NBEAL1: variants seen among roughly 807,000 people sequenced by gnomAD.
NBEAL1 encodes neurobeachin-like protein 1.
A neutral mutation model predicts 351.3 loss-of-function variants in NBEAL1; 273 were observed. That is an observed-to-expected ratio of 0.78 (90% CI 0.70 to 0.86). The LOEUF (loss-of-function observed/expected upper bound fraction) is 0.86, where lower values mean the gene tolerates loss of function less well. Ranked by LOEUF, NBEAL1 falls within the 40% of genes least tolerant of loss-of-function variation. NBEAL1 has a pLI of 0.00. For missense variants in NBEAL1, 2,961 were observed against 3,201.3 expected, an observed-to-expected ratio of 0.92 and a Z score of 1.81; for synonymous variants, 1,050 against 1,086.4, an observed-to-expected ratio of 0.97 and a Z score of 0.66.
Position 203,197,344 on chromosome 2 carries a change from A to C in NBEAL1, c.7081A>C (p.Lys2361Gln). Residue 2361 changes from lysine to glutamine, a missense_variant, in exon 48 of 56, where the codon AAA becomes CAA. By Grantham distance (53) the Lys-to-Gln change is moderately conservative. Transcript: ENST00000683969. ...TCCACTATTAAAGGCCACCATCCCC[A>C]AAAATCAGTATCGTTCTTTTATGTC... ...GIPLLKATIP[K>Q]NQYRSFMSQG... The C allele has an allele frequency of 1.9e-6, 3 of 1,605,260 alleles. No individual in the cohort carries two copies. The highest frequency in any genetic ancestry group is 2.6e-6 in the Non-Finnish European group (3 of 1,172,044).
At chr2:203,029,281 C>A (rs1306567622) in intron 2 of NBEAL1, among the ~76,000 whole-genome samples, 1 of 152,168 alleles carries the variant, frequency 6.6e-6, no homozygotes, top group African/African-American at 2.4e-5. Flanking sequence ...TGAGCCCCCA[C>A]ACCCAGCCTG....
At chr2:203,149,319 G>A (rs1226517832) in intron 34 of NBEAL1, among the ~76,000 whole-genome samples, 171 bp downstream of exon 34, 3 of 151,982 alleles carry the variant, frequency 2.0e-5, no homozygotes, top group Non-Finnish European at 2.9e-5. Flanking sequence ...GATGATTCGA[G>A]GTTGTATTGT....
intron 24 of NBEAL1, among the ~76,000 whole-genome samples, chr2:203,128,520 TG>T (rs2062998615): frequency 6.6e-6 from 1 of 152,100 alleles, no homozygotes; most frequent in Non-Finnish European, 1.5e-5. Flanking sequence ...TTGGCAATTC[TG>T]AAGCCTGTTT....
intron 2 of NBEAL1, chr2:203,040,377 T>G: frequency 1.4e-6 from 1 of 715,660 alleles, no homozygotes; most frequent in South Asian, 1.5e-5. Context: ...TGGCCTTTGT[T>G]GTACACATCA....
rs1230515984 is a variant in NBEAL1 at position 203,221,353 on chromosome 2, C to G, written c.*3999C>G. Among the ~76,000 whole-genome samples the G allele has an allele frequency of 6.6e-6, 1 of 150,832 alleles. No homozygotes were observed. The highest frequency in any genetic ancestry group is 1.9e-4 in the East Asian group (1 of 5,186). ...CACTGAAAAGATGCAAGTCCTAGGA[C>G]TATATTAAATATAAATATTATATTA... On this transcript the variant is annotated 3_prime_UTR_variant, in exon 56 of 56. Coordinates refer to ENST00000683969, the MANE Select transcript of NBEAL1 (RefSeq NM_001378026.1).
intron 51 of NBEAL1, among the ~76,000 whole-genome samples, chr2:203,205,986 A>G (rs2065542739): frequency 6.6e-6 from 1 of 152,256 alleles, no homozygotes; most frequent in South Asian, 2.1e-4. Context: ...ACAAATACAA[A>G]TAGCAACTAT....
rs766047739 is a variant in NBEAL1 at position 203,082,691 on chromosome 2, G to A, written c.685-528G>A. Among the ~76,000 whole-genome samples, 12 of 152,270 alleles carry A rather than the reference G, an allele frequency of 7.9e-5. No homozygotes were observed. In the Middle Eastern group the frequency reaches 0.01, roughly 129 times the overall value. ...CCTTAGAGAGACTTAATCGATTTGA[G>A]GTTGTTTTTTATGTTTCATTTTGCC... On this transcript the variant is annotated intron_variant, in intron 8 of 55. Coordinates refer to ENST00000683969, the MANE Select transcript of NBEAL1 (RefSeq NM_001378026.1).
intron 24 of NBEAL1, 64 bp downstream of exon 24, chr2:203,128,001 A>T (rs1248027907): frequency 8.1e-7 from 1 of 1,234,842 alleles, no homozygotes; most frequent in Non-Finnish European, 1.1e-6. Context: ...TCATCTTCTG[A>T]ACGTATGTTT....
chr2:203,043,722 C>G (rs1320623014), intron 3 of NBEAL1, among the ~76,000 whole-genome samples: 2 of 146,756 alleles, frequency 1.4e-5, no homozygotes, highest in Non-Finnish European at 3.0e-5. Flanking sequence ...GAGTAAAACC[C>G]TGTCTCAAAA....
At chr2:203,141,366 A>ATTTTTATTTTTTT (rs2063370884) in intron 31 of NBEAL1, among the ~76,000 whole-genome samples, 1 of 9,098 alleles carries the variant, frequency 1.1e-4, no homozygotes, top group Non-Finnish European at 2.6e-4. Context: ...TATTATTATT[A>ATTTTTATTTTTTT]TTTTTTTTTT....
chr2:203,028,823 A>G (rs1441444651), intron 2 of NBEAL1, among the ~76,000 whole-genome samples: 2 of 152,010 alleles, frequency 1.3e-5, no homozygotes, highest in South Asian at 2.1e-4. Context: ...AAAAATTTAT[A>G]AATTGTATTT....
chr2:203,150,233 A>AT (rs1375053480), intron 34 of NBEAL1, among the ~76,000 whole-genome samples: 1 of 151,942 alleles, frequency 6.6e-6, no homozygotes, highest in African/African-American at 2.4e-5. Context: ...TTATTTCCTG[A>AT]TTTTTTATTA....
At chr2:203,204,997 T>C (rs1192841772) in intron 51 of NBEAL1, among the ~76,000 whole-genome samples, 2 of 152,150 alleles carry the variant, frequency 1.3e-5, no homozygotes, top group African/African-American at 4.8e-5. Flanking sequence ...ATACTAATTA[T>C]TTCATTTTCT....
At chr2:203,184,850 C>G (rs1300107760) in intron 44 of NBEAL1, among the ~76,000 whole-genome samples, 1 of 150,422 alleles carries the variant, frequency 6.6e-6, no homozygotes, top group East Asian at 2.0e-4. Flanking sequence ...TCACTTGAGC[C>G]CAGGAGTTTG....
At chr2:203,119,169 A>ATT (rs893486620) in intron 18 of NBEAL1, among the ~76,000 whole-genome samples, 1 of 141,758 alleles carries the variant, frequency 7.1e-6, no homozygotes. Flanking sequence ...GTTGGATTCT[A>ATT]TTTTTTTTTT....
At chr2:203,143,102 GA>G (rs1261409633) in intron 31 of NBEAL1, among the ~76,000 whole-genome samples, 1 of 152,114 alleles carries the variant, frequency 6.6e-6, no homozygotes, top group Non-Finnish European at 1.5e-5. Context: ...ATTTATTTGG[GA>G]AGTAATATAG....
chr2:203,046,055 CTA>C (rs2061219813), intron 3 of NBEAL1, among the ~76,000 whole-genome samples: 1 of 152,128 alleles, frequency 6.6e-6, no homozygotes, highest in Non-Finnish European at 1.5e-5. Context: ...TGGCTCAAGC[CTA>C]TAATCCCAGC....
Position 203,146,049 on chromosome 2 carries a change from GAA to G in NBEAL1, c.5304+891_5304+892del, listed in dbSNP as rs2063505069. On this transcript the variant is annotated intron_variant, in intron 33 of 55. Coordinates refer to ENST00000683969, the MANE Select transcript of NBEAL1 (RefSeq NM_001378026.1). ...GTGAAAAATTATTTATACCAGGAAA[GAA>G]AGAGGCAGTATCACCACTGACTCCC... 2.7e-5 allele frequency among the ~76,000 whole-genome samples: 4 copies of G among 148,416 alleles called. No homozygotes were observed. In the South Asian group the frequency reaches 8.4e-4, roughly 31 times the overall value.
At position 203,136,089 on chromosome 2, in the gene NBEAL1, C is replaced by G; in HGVS notation, c.4226C>G (p.Ser1409Ter). The change falls in exon 28 of 56, where the codon TCA becomes TGA. Residue 1409 changes from serine (S) to a stop codon, truncating the protein, a stop_gained. Coordinates refer to ENST00000683969, the MANE Select transcript of NBEAL1 (RefSeq NM_001378026.1). LOFTEE classifies it high-confidence loss of function. The stretch of plus-strand genomic sequence containing the variant: ...AGTTTAGACCTCAGTGGAATTGACT[C>G]ATGTGAAATGAGTGATAGTGGAAGT... Reference protein sequence around the residue: ...HLSLDLSGIDSCEMSDSGSQV... With the variant: ...HLSLDLSGID 2.5e-6 allele frequency: 4 copies of G among 1,614,082 alleles called. No homozygotes were observed. Among genetic ancestry groups the G allele is most frequent in the Non-Finnish European group, 3.4e-6 (4 of 1,180,014 alleles).
Sources: gnomAD v4.1 joint callset for allele counts (sites outside exome capture counted in the v4.1 genomes callset) on GRCh38, gnomAD v4.1.1 for gene constraint, MANE v1.5 for transcripts, NCBI Gene and HGNC (gene_info 2026-07-23, HGNC 2026-07-21) for gene names.